SYT1: variants seen among roughly 807,000 people sequenced by gnomAD.
SYT1 encodes synaptotagmin-1.
In SYT1, 8 loss-of-function variants were observed where a neutral mutation model predicts 44.8. That is an observed-to-expected ratio of 0.18 (90% CI 0.10 to 0.32). The LOEUF is 0.32. Ranked by LOEUF, SYT1 falls within the 10% of genes least tolerant of loss-of-function variation. SYT1 has a pLI of 1.00. For missense variants in SYT1, 286 were observed against 509.3 expected, an observed-to-expected ratio of 0.56 and a Z score of 4.22; for synonymous variants, 154 against 188.8, an observed-to-expected ratio of 0.82 and a Z score of 1.51.
intron 3 of SYT1, among the ~76,000 whole-genome samples, chr12:79,153,753 C>T (rs1190052251): frequency 1.3e-5 from 2 of 151,952 alleles, no homozygotes; most frequent in Non-Finnish European, 2.9e-5. Context: ...GTTCATAGGT[C>T]TTTACTTAAA....
Position 79,017,812 on chromosome 12 carries a change from A to G in SYT1, c.-83-29485A>G, listed in dbSNP as rs995322313. Among the ~76,000 whole-genome samples, 71 of 152,132 alleles carry G rather than the reference A, an allele frequency of 4.7e-4. 1 individual carries two copies. Among genetic ancestry groups the G allele is most frequent in the Non-Finnish European group, 1.9e-4 (13 of 68,004 alleles). On this transcript the variant is annotated intron_variant, in intron 2 of 10. Coordinates refer to ENST00000261205, the MANE Select transcript of SYT1 (RefSeq NM_005639.3). ...TGTCTCTGTCAACGAGGAAATAAAT[A>G]GATAGAAAGAGTAACACAAGTCATA...
intron 1 of SYT1, among the ~76,000 whole-genome samples, chr12:78,880,974 A>T (rs1213073033): frequency 6.6e-6 from 1 of 151,700 alleles, no homozygotes; most frequent in Non-Finnish European, 1.5e-5. Context: ...AAGAAAAAAA[A>T]CAAACCTTTT....
chr12:78,917,793 G>A (rs966226328), intron 1 of SYT1, among the ~76,000 whole-genome samples: 5 of 151,916 alleles, frequency 3.3e-5, no homozygotes, highest in African/African-American at 1.2e-4. Flanking sequence ...TTGGGCCTTG[G>A]ACAGAACTAA....
chr12:79,349,186 AGGAAGGAAGG>A (rs2135996277), intron 8 of SYT1, among the ~76,000 whole-genome samples: 1 of 151,656 alleles, frequency 6.6e-6, no homozygotes, highest in East Asian at 1.9e-4. Flanking sequence ...GACGGAGGGA[AGGAAGGAAGG>A]GGAAGGAAGG....
intron 8 of SYT1, among the ~76,000 whole-genome samples, chr12:79,347,676 C>G (rs1882670736): frequency 6.6e-6 from 1 of 152,148 alleles, no homozygotes; most frequent in Non-Finnish European, 1.5e-5. Context: ...GCTGCATGTT[C>G]TCATTCAGTA....
intron 2 of SYT1, among the ~76,000 whole-genome samples, chr12:78,990,062 GA>G (rs1242825384): frequency 1.3e-5 from 2 of 152,164 alleles, no homozygotes; most frequent in African/African-American, 4.8e-5. Flanking sequence ...GAAAGTAGAA[GA>G]AACTGGATTT....
chr12:79,099,681 G>T (rs118130557), intron 3 of SYT1, among the ~76,000 whole-genome samples: 2,363 of 151,732 alleles, frequency 0.016, 37 homozygotes, highest in Non-Finnish European at 0.02. Flanking sequence ...TAACTTCTGT[G>T]TCTGTGTTAA....
At chr12:79,311,522 A>G (rs1280543430) in intron 8 of SYT1, among the ~76,000 whole-genome samples, 3 of 145,846 alleles carry the variant, frequency 2.1e-5, no homozygotes, top group South Asian at 2.4e-4. Context: ...TACTGGGTAT[A>G]TACCCAAAGG....
At chr12:79,225,295 T>C (rs961503134) in intron 4 of SYT1, among the ~76,000 whole-genome samples, 4 of 150,980 alleles carry the variant, frequency 2.6e-5, no homozygotes, top group Non-Finnish European at 1.5e-5. Context: ...ATTAGCAACT[T>C]GTTAATTTGT....
intron 3 of SYT1, among the ~76,000 whole-genome samples, chr12:79,101,033 T>G (rs1266627191): frequency 2.0e-5 from 3 of 152,142 alleles, no homozygotes; most frequent in African/African-American, 7.2e-5. Context: ...ATGAAATAAA[T>G]AAGATTATTT....
intron 8 of SYT1, among the ~76,000 whole-genome samples, chr12:79,308,506 G>C (rs1024915964): frequency 7.2e-6 from 1 of 139,012 alleles, no homozygotes; most frequent in African/African-American, 2.7e-5. Flanking sequence ...GCGAAACTCC[G>C]TCAAAAGAAA....
At chr12:79,372,030 G>GA (rs2136051088) in intron 9 of SYT1, among the ~76,000 whole-genome samples, 1 of 152,260 alleles carries the variant, frequency 6.6e-6, no homozygotes, top group East Asian at 1.9e-4. Flanking sequence ...TCATGAGAAT[G>GA]AATTGTTTAA....
At chr12:79,371,523 C>G (rs1593009127) in intron 9 of SYT1, among the ~76,000 whole-genome samples, 2 of 152,316 alleles carry the variant, frequency 1.3e-5, no homozygotes, top group African/African-American at 2.4e-5. Flanking sequence ...AACAATTGCT[C>G]TTTATTCATT....
intron 3 of SYT1, among the ~76,000 whole-genome samples, chr12:79,181,848 A>G (rs562570006): frequency 2.0e-5 from 3 of 152,086 alleles, no homozygotes; most frequent in East Asian, 3.9e-4. Context: ...TATCAATTCT[A>G]TCATCCCTTT....
chr12:78,897,835 G>A (rs1262129588), intron 1 of SYT1, among the ~76,000 whole-genome samples: 1 of 152,010 alleles, frequency 6.6e-6, no homozygotes, highest in Non-Finnish European at 1.5e-5. Context: ...TGATGCCTTT[G>A]TTGGTTTTTA....
intron 3 of SYT1, among the ~76,000 whole-genome samples, chr12:79,125,221 CTG>C (rs1868364319): frequency 6.6e-6 from 1 of 152,086 alleles, no homozygotes; most frequent in South Asian, 2.1e-4. Flanking sequence ...CCATTAAAAA[CTG>C]TGCAAATGGA....
At chr12:78,876,904 T>TTATATATAATACATATAATATATTATA (rs1565697992) in intron 1 of SYT1, among the ~76,000 whole-genome samples, 1 of 112,962 alleles carries the variant, frequency 8.9e-6, no homozygotes, top group African/African-American at 3.3e-5. Flanking sequence ...ATATTATATA[T>TTATATATAATACATATAATATATTATA]TATATGTATT....
chr12:79,413,863 C>T (rs1868574404), intron 9 of SYT1, among the ~76,000 whole-genome samples: 1 of 152,098 alleles, frequency 6.6e-6, no homozygotes, highest in African/African-American at 2.4e-5. Context: ...AAAAAATAAT[C>T]CTCTAACAGC....
chr12:79,042,937 T>C (rs1157438178), intron 2 of SYT1, among the ~76,000 whole-genome samples: 2 of 151,266 alleles, frequency 1.3e-5, no homozygotes, highest in South Asian at 4.2e-4. Context: ...TGAGCGGTTT[T>C]GAATGAGATT....
Sources: allele counts gnomAD v4.1 joint callset (sites outside exome capture counted in the v4.1 genomes callset), GRCh38; gene constraint gnomAD v4.1.1; transcripts MANE v1.5; gene names NCBI Gene and HGNC (gene_info 2026-07-23, HGNC 2026-07-21).